Variants in GABRR3 observed in about 807,000 individuals in gnomAD.
GABRR3 encodes gamma-aminobutyric acid receptor subunit rho-3.
Under a neutral mutation model 43.2 loss-of-function variants are expected in GABRR3, and 29 were observed. The ratio of observed to expected loss-of-function variants is 0.67; its 90% CI spans 0.50 to 0.92. The LOEUF (loss-of-function observed/expected upper bound fraction) is 0.92, where lower values mean the gene tolerates loss of function less well. Ranked by LOEUF, GABRR3 falls within the 40% of genes least tolerant of loss-of-function variation. The probability of loss-of-function intolerance (pLI) is 0.00; values close to 1 mark genes in which losing one functional copy is unlikely to be tolerated. For synonymous variants in GABRR3, 206 were observed against 195.9 expected (o/e 1.05, Z -0.43); for missense variants, 576 against 572.3 (o/e 1.01, Z -0.07).
chr3:97,991,856 ACTT>A (rs908350591), intron 9 of GABRR3, among the ~76,000 whole-genome samples: 5 of 152,058 alleles, frequency 3.3e-5, no homozygotes, highest in African/African-American at 1.2e-4. Context: ...GTAAAAAAAA[ACTT>A]AAACCAATAT....
rs1706739427 is a variant in GABRR3 at position 98,007,763 on chromosome 3, C to A, written c.754+1G>T. Reference sequence around the variant, plus strand: ...TGAATCACCCATGTAAAATGCTGTACCTGTGCTGCTATAGAAAGCTAATCC... The same window carrying A: ...TGAATCACCCATGTAAAATGCTGTAACTGTGCTGCTATAGAAAGCTAATCC... On this transcript the variant is annotated splice_donor_variant, in intron 7 of 9. Transcript: ENST00000621172. LOFTEE classifies it high-confidence loss of function. The A allele has an allele frequency of 1.3e-5, 21 of 1,613,326 alleles. No individual in the cohort carries two copies. Among genetic ancestry groups the A allele is most frequent in the Non-Finnish European group, 1.7e-5 (20 of 1,179,684 alleles).
chr3:98,009,004 T>A, exon 6 of GABRR3: 1 of 1,608,318 alleles, frequency 6.2e-7, no homozygotes, highest in Non-Finnish European at 8.5e-7. Context: ...GGAAACCTGC[T>A]GAAATCCATA....
intron 7 of GABRR3, among the ~76,000 whole-genome samples, chr3:98,006,655 G>A (rs1177287145): frequency 6.6e-6 from 1 of 152,220 alleles, no homozygotes; most frequent in Non-Finnish European, 1.5e-5. Context: ...AGGGACAGCT[G>A]TTGGCACACT....
intron 1 of GABRR3, 22 bp from the exon 2 acceptor site, chr3:98,035,011 A>C: frequency 6.2e-7 from 1 of 1,606,986 alleles, no homozygotes; most frequent in Non-Finnish European, 8.5e-7. Flanking sequence ...AAAAAACAGA[A>C]AGGATGCAGG....
At chr3:98,032,119 A>ACAGTATAGTATAGTATAGTG (rs1553720650) in intron 2 of GABRR3, among the ~76,000 whole-genome samples, 37 of 140,692 alleles carry the variant, frequency 2.6e-4, no homozygotes, top group African/African-American at 9.8e-4. Flanking sequence ...ATAGTATAGT[A>ACAGTATAGTATAGTATAGTG]TAGTAATGGT....
intron 2 of GABRR3, 132 bp from the exon 3 acceptor site, chr3:98,025,811 T>C (rs1707007743): frequency 1.7e-6 from 1 of 585,122 alleles, no homozygotes; most frequent in Non-Finnish European, 2.9e-6. Flanking sequence ...TCTCAGTTCA[T>C]ATTAAGCCAA....
chr3:97,996,004 A>G (rs1706549439), intron 8 of GABRR3, among the ~76,000 whole-genome samples: 1 of 152,154 alleles, frequency 6.6e-6, no homozygotes, highest in African/African-American at 2.4e-5. Context: ...CAACATATTA[A>G]CTTTTTAAAG....
intron 7 of GABRR3, among the ~76,000 whole-genome samples, chr3:98,002,985 A>G (rs766827164): frequency 2.0e-5 from 3 of 152,182 alleles, no homozygotes; most frequent in Non-Finnish European, 4.4e-5. Flanking sequence ...TCCTATTCTC[A>G]ATGAAATACT....
chr3:97,995,310 T>G (rs559963800), intron 8 of GABRR3, among the ~76,000 whole-genome samples: 7 of 152,316 alleles, frequency 4.6e-5, no homozygotes, highest in African/African-American at 1.7e-4. Context: ...TATTGGTTTT[T>G]TAAGATATAA....
chr3:98,020,208 T>C (rs1706923130), intron 3 of GABRR3, among the ~76,000 whole-genome samples: 1 of 152,144 alleles, frequency 6.6e-6, no homozygotes, highest in Non-Finnish European at 1.5e-5. Context: ...ACAATTGTTA[T>C]GTGAATGAGA....
chr3:98,015,214 A>T (rs545938227), intron 4 of GABRR3, among the ~76,000 whole-genome samples: 104 of 152,322 alleles, frequency 6.8e-4, no homozygotes, highest in Middle Eastern at 6.8e-3. Context: ...GTTTTATTAA[A>T]AAGAGTCTCA....
intron 9 of GABRR3, among the ~76,000 whole-genome samples, chr3:97,988,213 C>T (rs867618756): frequency 2.0e-5 from 3 of 151,956 alleles, no homozygotes; most frequent in Middle Eastern, 3.4e-3. Context: ...TACAGAAGGA[C>T]GCATAATAGA....
At chr3:98,008,634 A>G (rs1349070792) in intron 6 of GABRR3, among the ~76,000 whole-genome samples, 2 of 152,156 alleles carry the variant, frequency 1.3e-5, no homozygotes, top group African/African-American at 2.4e-5. Context: ...CCAAATGTAG[A>G]AAGTCTGTGT....
At chr3:98,021,854 T>C (rs1476790644) in intron 3 of GABRR3, among the ~76,000 whole-genome samples, 2 of 152,176 alleles carry the variant, frequency 1.3e-5, no homozygotes, top group Non-Finnish European at 2.9e-5. Flanking sequence ...TACATCTGAT[T>C]TGTATAATGC....
intron 6 of GABRR3, among the ~76,000 whole-genome samples, chr3:98,008,125 A>G (rs1371356524): frequency 6.6e-6 from 1 of 152,206 alleles, no homozygotes; most frequent in African/African-American, 2.4e-5. Flanking sequence ...CTAGTATAGT[A>G]TGGATCTTGT....
Position 98,035,292 on chromosome 3 carries a change from A to G in GABRR3, c.-105T>C, listed in dbSNP as rs1707138130. 4 of 331,986 alleles carry G rather than the reference A, an allele frequency of 1.2e-5. No homozygotes were observed. The South Asian group carries it at 1.6e-4, about 14-fold the overall frequency. 20.6% of individuals were successfully genotyped at this position (331,986 alleles called of 1,614,324 possible). A position where few individuals can be genotyped will look rare whatever the true frequency, so the allele number is the denominator to read the frequency against. ...GGGAAGGTTTTTAGTGTGATGCTCA[A>G]TCCATACTCAGTAAACCCTCAGCGG... On this transcript the variant is annotated 5_prime_UTR_variant, in exon 1 of 10. Coordinates refer to ENST00000621172, the Ensembl canonical transcript of GABRR3.
At chr3:98,003,220 A>T (rs1244173495) in intron 7 of GABRR3, among the ~76,000 whole-genome samples, 1 of 152,152 alleles carries the variant, frequency 6.6e-6, no homozygotes, top group Non-Finnish European at 1.5e-5. Flanking sequence ...TGATGGCTGT[A>T]GAGTACAATA....
At position 98,007,912 on chromosome 3, in the gene GABRR3, A is replaced by T; in HGVS notation, c.614-8T>A. 1 of 1,547,620 alleles carries T rather than the reference A, an allele frequency of 6.5e-7. No individual in the cohort carries two copies. The highest frequency in any genetic ancestry group is 8.7e-7 in the Non-Finnish European group (1 of 1,147,152). ...CATCCTCATTGTAGGCATCTAAAAC[A>T]TGAAAATATCAGTCTTGTAAGTGTA... On this transcript the variant is annotated splice_polypyrimidine_tract_variant and splice_region_variant and intron_variant, in intron 6 of 9. Transcript: ENST00000621172.
At chr3:98,002,157 A>G (rs755661979) in intron 7 of GABRR3, among the ~76,000 whole-genome samples, 10 of 152,190 alleles carry the variant, frequency 6.6e-5, no homozygotes, top group African/African-American at 2.4e-4. Context: ...AACAAATGAA[A>G]AAAACATTTA....
Sources: gnomAD v4.1 joint callset for allele counts (sites outside exome capture counted in the v4.1 genomes callset) on GRCh38, gnomAD v4.1.1 for gene constraint, MANE v1.5 for transcripts, NCBI Gene and HGNC (gene_info 2026-07-23, HGNC 2026-07-21) for gene names.